Variants in KL observed in about 807,000 individuals in gnomAD.
The protein encoded by KL is klotho, also known as alpha-klotho.
KL carries 62 observed loss-of-function variants against 84.2 expected under a neutral mutation model. That is an observed-to-expected ratio of 0.74 (90% CI 0.60 to 0.91). The LOEUF (loss-of-function observed/expected upper bound fraction) is 0.91. Ranked by LOEUF, KL falls within the 40% of genes least tolerant of loss-of-function variation. The probability of loss-of-function intolerance (pLI) is 0.00; values close to 1 mark genes in which losing one functional copy is unlikely to be tolerated. For synonymous variants in KL, 528 were observed against 528.0 expected, an observed-to-expected ratio of 1.00 and a Z score of 0.00; for missense variants, 1,261 against 1,305.7, an observed-to-expected ratio of 0.97 and a Z score of 0.53.
intron 1 of KL, among the ~76,000 whole-genome samples, chr13:33,039,235 T>C (rs1233797997): frequency 1.3e-5 from 2 of 152,252 alleles, no homozygotes; most frequent in Non-Finnish European, 2.9e-5. Flanking sequence ...TGATCATTTG[T>C]TGCTAATAAT....
intron 1 of KL, among the ~76,000 whole-genome samples, chr13:33,017,636 T>C (rs141249754): frequency 6.6e-6 from 1 of 152,342 alleles, no homozygotes; most frequent in Non-Finnish European, 1.5e-5. Flanking sequence ...AACACGTTTG[T>C]TCTTAAGCCG....
At chr13:33,034,964 T>C (rs894382261) in intron 1 of KL, among the ~76,000 whole-genome samples, 1 of 152,204 alleles carries the variant, frequency 6.6e-6, no homozygotes, top group Non-Finnish European at 1.5e-5. Flanking sequence ...TTTCCTAATC[T>C]CTTCTATTTT....
At position 33,053,995 on chromosome 13, in the gene KL, C is replaced by T; in HGVS notation, c.1048C>T (p.Pro350Ser). 1 of 1,613,658 alleles carries T rather than the reference C, an allele frequency of 6.2e-7. No homozygotes were observed. The highest frequency in any genetic ancestry group is 1.3e-5 in the African/African-American group (1 of 74,962). The change falls in exon 2 of 5, where the codon CCT becomes TCT. Residue 350 changes from proline to serine, a missense_variant. By Grantham distance (74) the Pro-to-Ser change is moderately conservative (BLOSUM62 -1). Coordinates refer to ENST00000380099, the MANE Select transcript of KL (RefSeq NM_004795.4). ...GAAGAATAACCTTTCATCTATTCTG[C>T]CTGATTTTACTGAATCTGAGAAAAA... is the stretch of plus-strand genomic sequence containing the variant. ...SMKNNLSSIL[P>S]DFTESEKKFI...
chr13:33,016,992 C>A lies in KL; in HGVS notation c.552C>A (p.Gly184=), dbSNP rs763677654. The change falls in exon 1 of 5, where the codon GGC becomes GGA. Residue 184 remains glycine, a synonymous_variant. Transcript: ENST00000380099. ...TGCTGGAGCGGCTGCGGGAGCTGGG[C>A]GTGCAGCCCGTGGTCACCCTGTACC... is the stretch of plus-strand genomic sequence containing the variant. ...RRLLERLREL[G]VQPVVTLYHW... is the part of the protein sequence containing the mutation. 2 of 1,592,026 alleles carry A rather than the reference C, an allele frequency of 1.3e-6. No homozygotes were observed. The highest frequency in any genetic ancestry group is 1.7e-6 in the Non-Finnish European group (2 of 1,172,660).
chr13:33,033,970 T>A (rs1050655234), intron 1 of KL, among the ~76,000 whole-genome samples: 2 of 152,040 alleles, frequency 1.3e-5, no homozygotes, highest in African/African-American at 2.4e-5. Flanking sequence ...CACCCTCAGA[T>A]TGCCTTCTTT....
intron 1 of KL, among the ~76,000 whole-genome samples, chr13:33,052,009 G>T (rs909578631): frequency 6.6e-6 from 1 of 152,172 alleles, no homozygotes; most frequent in Non-Finnish European, 1.5e-5. Flanking sequence ...TGGGCTGGAG[G>T]TCAGTGGTGT....
intron 4 of KL, among the ~76,000 whole-genome samples, chr13:33,062,284 G>A (rs1053231245): frequency 6.6e-6 from 1 of 152,050 alleles, no homozygotes; most frequent in Admixed American, 6.5e-5. Flanking sequence ...TGGGAGGAGA[G>A]GCGGGAGGAT....
intron 1 of KL, among the ~76,000 whole-genome samples, chr13:33,024,478 G>A (rs1870686223): frequency 6.6e-6 from 1 of 152,174 alleles, no homozygotes; most frequent in Admixed American, 6.5e-5. Flanking sequence ...GGGTGCAGAG[G>A]ACTGAGGACG....
In KL at chr13:33,017,201, C is replaced by T. The variant is rs749864328; in HGVS notation, c.761C>T (p.Ala254Val). ...AWHGYATGRL[A>V]PGIRGSPRLG... ...CACGGCTACGCCACCGGGCGCCTGG[C>T]CCCCGGCATCCGGGGCAGCCCGCGG... Residue 254 changes from alanine to valine, a missense_variant, in exon 1 of 5, where the codon GCC (alanine) becomes GTC (valine). Physicochemically the swap from Ala to Val is moderately conservative, Grantham distance 64 (BLOSUM62 0). Transcript: ENST00000380099. 6.9e-6 allele frequency: 11 copies of T among 1,596,174 alleles called. No homozygotes were observed. Among genetic ancestry groups the T allele is most frequent in the East Asian group, 6.7e-5 (3 of 44,798 alleles).
At chr13:33,045,948 C>T (rs781540025) in intron 1 of KL, among the ~76,000 whole-genome samples, 12 of 152,086 alleles carry the variant, frequency 7.9e-5, no homozygotes, top group Non-Finnish European at 1.2e-4. Context: ...TGCATTACAA[C>T]GATTTTTTTT....
intron 1 of KL, among the ~76,000 whole-genome samples, chr13:33,043,769 A>G (rs1248083577): frequency 3.9e-5 from 6 of 152,226 alleles, no homozygotes; most frequent in African/African-American, 1.2e-4. Flanking sequence ...TCAATTATAT[A>G]CTAATCATAA....
At position 33,052,055 on chromosome 13, in the gene KL, C is replaced by T. The variant is rs113506478; in HGVS notation, c.820-1712C>T. 5.4e-4 allele frequency among the ~76,000 whole-genome samples: 83 copies of T among 152,312 alleles called. 1 individual carries two copies. The highest frequency in any genetic ancestry group is 9.6e-4 in the Non-Finnish European group (65 of 68,028). ...CACCGAAGCCTCCATCTCCTGGGCT[C>T]AAGTGATCCTCCTGCCTCAGCCTTC... On this transcript the variant is annotated intron_variant, in intron 1 of 4. Transcript: ENST00000380099.
intron 1 of KL, among the ~76,000 whole-genome samples, chr13:33,029,915 G>T (rs1198946): frequency 0.25 from 38,026 of 149,634 alleles, 5,696 homozygotes; most frequent in East Asian, 0.47. Flanking sequence ...TTACAGGCGT[G>T]AGCCACCGCG....
intron 1 of KL, among the ~76,000 whole-genome samples, chr13:33,039,745 T>C (rs1446817592): frequency 6.6e-6 from 1 of 152,126 alleles, no homozygotes; most frequent in Non-Finnish European, 1.5e-5. Context: ...GAAGGAAAAG[T>C]AGAATGCAAC....
At chr13:33,019,741 G>GAC (rs1593787056) in intron 1 of KL, among the ~76,000 whole-genome samples, 1 of 150,846 alleles carries the variant, frequency 6.6e-6, no homozygotes, top group East Asian at 1.9e-4. Context: ...GTGAGAGAGA[G>GAC]AGAGAGAGAG....
intron 1 of KL, among the ~76,000 whole-genome samples, chr13:33,043,139 T>C (rs991491687): frequency 6.6e-6 from 1 of 152,186 alleles, no homozygotes; most frequent in Non-Finnish European, 1.5e-5. Context: ...TGTCAAATAG[T>C]TTTCCAAAGT....
At chr13:33,059,078 A>G (rs1872075585) in intron 3 of KL, among the ~76,000 whole-genome samples, 2 of 152,182 alleles carry the variant, frequency 1.3e-5, no homozygotes, top group Non-Finnish European at 2.9e-5. Context: ...GGCCCGTAAA[A>G]TGCAACAAAA....
chr13:33,046,471 A>G (rs1871532740), intron 1 of KL, among the ~76,000 whole-genome samples: 1 of 152,178 alleles, frequency 6.6e-6, no homozygotes, highest in Non-Finnish European at 1.5e-5. Flanking sequence ...GAAATGATAT[A>G]CAGAAAAGGT....
intron 1 of KL, among the ~76,000 whole-genome samples, chr13:33,036,828 G>A (rs1342080818): frequency 6.6e-6 from 1 of 152,096 alleles, no homozygotes; most frequent in East Asian, 1.9e-4. Context: ...TTTAAGTTGT[G>A]TATGTTTTAC....
Sources: allele counts gnomAD v4.1 joint callset (sites outside exome capture counted in the v4.1 genomes callset), GRCh38; gene constraint gnomAD v4.1.1; transcripts MANE v1.5; gene names NCBI Gene and HGNC (gene_info 2026-07-23, HGNC 2026-07-21).